EFCAB3: variants seen among roughly 807,000 people sequenced by gnomAD.
The protein encoded by EFCAB3 is EF-hand calcium binding domain 3.
Under a neutral mutation model 42.2 loss-of-function variants are expected in EFCAB3, and 36 were observed. The ratio of observed to expected loss-of-function variants is 0.85; its 90% CI spans 0.65 to 1.13. The LOEUF is 1.13. Among genes scored for constraint, EFCAB3 ranks in the 50% most tolerant of loss-of-function variants. EFCAB3 has a pLI of 0.00. For missense variants in EFCAB3, 418 were observed against 505.1 expected (o/e 0.83, Z 1.65); for synonymous variants, 170 against 172.8 (o/e 0.98, Z 0.13).
chr17:62,389,418 C>T (rs2070283695), intron 3 of EFCAB3, among the ~76,000 whole-genome samples: 1 of 152,116 alleles, frequency 6.6e-6, no homozygotes, highest in Non-Finnish European at 1.5e-5. Context: ...CCCTCCAGGG[C>T]CAGCAAGGCC....
chr17:62,391,693 A>G (rs1598011376), intron 3 of EFCAB3, 129 bp from the exon 4 acceptor site: 1 of 954,856 alleles, frequency 1.0e-6, no homozygotes, highest in Non-Finnish European at 1.5e-6. Flanking sequence ...TCTATTAAGC[A>G]CTCATTTTTT....
chr17:62,407,159 C>G lies in EFCAB3; in HGVS notation c.814C>G (p.Pro272Ala), dbSNP rs115042128. 2.8e-4 allele frequency: 444 copies of G among 1,603,962 alleles called. No individual in the cohort carries two copies. Among genetic ancestry groups the G allele is most frequent in the African/African-American group, 2.2e-3 (163 of 74,434 alleles). ...QKLEMLRIKE[P>A]LHFFEDYFFH... is the part of the protein sequence containing the mutation. Reference sequence around the variant, plus strand: ...ATTAGAGATGCTAAGAATAAAGGAGCCTTTGCATTTCTTTGAGGATTATTT... The same window carrying G: ...ATTAGAGATGCTAAGAATAAAGGAGGCTTTGCATTTCTTTGAGGATTATTT... Residue 272 changes from proline to alanine, a missense_variant, in exon 8 of 10, where the codon CCT becomes GCT. Pro to Ala is a conservative substitution (Grantham distance 27). Coordinates refer to ENST00000305286, the MANE Select transcript of EFCAB3 (RefSeq NM_173503.4).
chr17:62,388,212 A>C (rs1242537360), intron 3 of EFCAB3, among the ~76,000 whole-genome samples: 1 of 148,822 alleles, frequency 6.7e-6, no homozygotes, highest in African/African-American at 2.5e-5. Flanking sequence ...CTACGTCTCG[A>C]AAAAAAAAAG....
intron 5 of EFCAB3, among the ~76,000 whole-genome samples, chr17:62,394,474 G>GT (rs1337629507): frequency 6.6e-6 from 1 of 152,114 alleles, no homozygotes; most frequent in African/African-American, 2.4e-5. Flanking sequence ...GAGCATTAAG[G>GT]TGTCACGTGC....
At chr17:62,384,514 C>T (rs2144063850) in intron 2 of EFCAB3, among the ~76,000 whole-genome samples, 1 of 152,176 alleles carries the variant, frequency 6.6e-6, no homozygotes, top group Admixed American at 6.5e-5. Flanking sequence ...ACTCAAGGGG[C>T]TGAGGTGGGA....
intron 8 of EFCAB3, among the ~76,000 whole-genome samples, chr17:62,407,584 G>C (rs975250053): frequency 2.0e-5 from 3 of 152,114 alleles, no homozygotes; most frequent in African/African-American, 4.8e-5. Flanking sequence ...GACCAGGCCC[G>C]CAACCCAAAG....
intron 3 of EFCAB3, among the ~76,000 whole-genome samples, chr17:62,389,046 A>G (rs973379444): frequency 2.0e-5 from 3 of 152,246 alleles, no homozygotes; most frequent in African/African-American, 7.2e-5. Context: ...ATGTGGGGCC[A>G]CAAGAGGAAG....
chr17:62,372,226 CT>C (rs59474947), intron 1 of EFCAB3, among the ~76,000 whole-genome samples: 40,185 of 151,890 alleles, frequency 0.26, 6,509 homozygotes, highest in African/African-American at 0.46. Context: ...TCATTTCTTC[CT>C]TTTTTGCCTA....
chr17:62,407,167 T>C lies in EFCAB3; in HGVS notation c.822T>C (p.His274=), dbSNP rs1438795117. 1.2e-6 allele frequency: 2 copies of C among 1,603,506 alleles called. No homozygotes were observed. Among genetic ancestry groups the C allele is most frequent in the Non-Finnish European group, 1.7e-6 (2 of 1,177,118 alleles). The part of the protein sequence containing the change: ...LEMLRIKEPL[H]FFEDYFFHKR... ...TGCTAAGAATAAAGGAGCCTTTGCA[T>C]TTCTTTGAGGATTATTTTTTCCATA... Residue 274 remains histidine (H), a synonymous_variant, in exon 8 of 10, where the codon CAT becomes CAC. Coordinates refer to ENST00000305286, the MANE Select transcript of EFCAB3 (RefSeq NM_173503.4).
intron 8 of EFCAB3, 129 bp from the exon 9 acceptor site, chr17:62,413,603 G>A: frequency 1.1e-6 from 1 of 920,856 alleles, no homozygotes; most frequent in Non-Finnish European, 1.5e-6. Context: ...CAAACAAATG[G>A]TTTGGCAATA....
At chr17:62,401,720 C>T (rs140577002) in intron 6 of EFCAB3, among the ~76,000 whole-genome samples, 2 of 152,044 alleles carry the variant, frequency 1.3e-5, no homozygotes, top group African/African-American at 2.4e-5. Flanking sequence ...AGTCAGGTAG[C>T]GTGATGCCTC....
upstream of EFCAB3, among the ~76,000 whole-genome samples, chr17:62,378,518 C>T (rs114302434): frequency 0.012 from 1,751 of 152,046 alleles, 36 homozygotes; most frequent in African/African-American, 0.04. Flanking sequence ...GGAAATTCAG[C>T]GAGGCCCCCT....
At chr17:62,396,843 C>T (rs776048128) in intron 6 of EFCAB3, among the ~76,000 whole-genome samples, 3 of 152,146 alleles carry the variant, frequency 2.0e-5, no homozygotes, top group Non-Finnish European at 4.4e-5. Flanking sequence ...TGTGCCACTA[C>T]ACTCCAACCT....
chr17:62,413,573 C>T (rs975950058), intron 8 of EFCAB3, among the ~76,000 whole-genome samples, 159 bp from the exon 9 acceptor site: 1 of 151,942 alleles, frequency 6.6e-6, no homozygotes, highest in African/African-American at 2.4e-5. Flanking sequence ...CTGAGGGACC[C>T]GGAAAAAAGT....
upstream of EFCAB3, chr17:62,378,007 A>G (rs1372061963): frequency 2.6e-6 from 4 of 1,549,876 alleles, no homozygotes; most frequent in African/African-American, 4.1e-5. Flanking sequence ...AAAACTGCAA[A>G]TGATATTAAA....
chr17:62,374,699 T>C (rs921764630), intron 2 of EFCAB3, among the ~76,000 whole-genome samples: 10 of 152,174 alleles, frequency 6.6e-5, no homozygotes, highest in Admixed American at 2.6e-4. Flanking sequence ...CCCACACACG[T>C]ACAACCTCAA....
intron 1 of EFCAB3, chr17:62,381,761 C>A: frequency 5.1e-6 from 2 of 395,120 alleles, no homozygotes; most frequent in South Asian, 4.3e-5. Flanking sequence ...ACAGCGTAGG[C>A]ATCGAGGCGG....
chr17:62,386,232 CAT>C (rs2070249734), intron 2 of EFCAB3, among the ~76,000 whole-genome samples: 1 of 152,042 alleles, frequency 6.6e-6, no homozygotes, highest in South Asian at 2.1e-4. Context: ...CTCAGTTTTA[CAT>C]GATACATTTT....
At chr17:62,387,312 A>G in intron 2 of EFCAB3, 28 bp from the exon 3 acceptor site, 1 of 1,570,046 alleles carries the variant, frequency 6.4e-7, no homozygotes, top group South Asian at 1.1e-5. Flanking sequence ...TAGGTAGTAA[A>G]TCTAAATATT....
Sources: allele counts gnomAD v4.1 joint callset (sites outside exome capture counted in the v4.1 genomes callset), GRCh38; gene constraint gnomAD v4.1.1; transcripts MANE v1.5; gene names NCBI Gene and HGNC (gene_info 2026-07-23, HGNC 2026-07-21).